SHTN1: variants seen among roughly 807,000 people sequenced by gnomAD.
The protein encoded by SHTN1 is shootin-1.
A neutral mutation model predicts 83.1 loss-of-function variants in SHTN1; 42 were observed. The observed-to-expected ratio is 0.51, with a 90% CI of 0.39 to 0.65. The LOEUF is 0.65. SHTN1 is among the 30% of genes least tolerant of loss of function. The pLI, the probability that SHTN1 is intolerant of heterozygous loss-of-function variation, is 0.00. For missense variants in SHTN1, 622 were observed against 737.8 expected (o/e 0.84, Z 1.82); for synonymous variants, 224 against 247.7 (o/e 0.90, Z 0.90).
intron 16 of SHTN1, among the ~76,000 whole-genome samples, chr10:116,892,390 A>G (rs1193386790): frequency 6.6e-6 from 1 of 152,212 alleles, no homozygotes; most frequent in Non-Finnish European, 1.5e-5. Flanking sequence ...GTGGGTGATC[A>G]TTTTCTTAAG....
intron 9 of SHTN1, among the ~76,000 whole-genome samples, chr10:116,930,522 C>T (rs1333133178): frequency 6.6e-6 from 1 of 152,104 alleles, no homozygotes; most frequent in Non-Finnish European, 1.5e-5. Flanking sequence ...AGGATTATGG[C>T]CTCCAGTTCC....
intron 2 of SHTN1, chr10:116,974,084 C>T: frequency 1.9e-6 from 2 of 1,072,438 alleles, no homozygotes; most frequent in Non-Finnish European, 2.3e-6. Context: ...AAAGTTCTTT[C>T]CCTCCAATTT....
chr10:117,007,628 T>C (rs1399734019), upstream of SHTN1, among the ~76,000 whole-genome samples: 1 of 150,704 alleles, frequency 6.6e-6, no homozygotes, highest in Non-Finnish European at 1.5e-5. Flanking sequence ...GTATGAATTA[T>C]TAGGAGGGCT....
upstream of SHTN1, among the ~76,000 whole-genome samples, chr10:117,006,922 T>C (rs1852025284): frequency 6.6e-6 from 1 of 151,778 alleles, no homozygotes; most frequent in Non-Finnish European, 1.5e-5. Context: ...AAAAAAAAAA[T>C]GGTAGCACTG....
intron 12 of SHTN1, among the ~76,000 whole-genome samples, chr10:116,920,906 C>T: frequency 6.6e-6 from 1 of 152,184 alleles, no homozygotes; most frequent in East Asian, 1.9e-4. Flanking sequence ...AACTACTCAG[C>T]TTGAACATCA....
chr10:116,887,927 T>G (rs1847215992), intron 16 of SHTN1, among the ~76,000 whole-genome samples: 1 of 152,208 alleles, frequency 6.6e-6, no homozygotes, highest in Non-Finnish European at 1.5e-5. Flanking sequence ...TGAGCAAAAG[T>G]AACCTGCATG....
intron 1 of SHTN1, among the ~76,000 whole-genome samples, chr10:117,000,071 AT>A (rs1472328723): frequency 6.6e-6 from 1 of 152,202 alleles, no homozygotes; most frequent in Non-Finnish European, 1.5e-5. Flanking sequence ...AGGAAAATGC[AT>A]TGTTGATAAG....
intron 1 of SHTN1, among the ~76,000 whole-genome samples, chr10:117,085,754 T>C (rs1177118159): frequency 6.6e-6 from 1 of 152,232 alleles, no homozygotes; most frequent in Admixed American, 6.5e-5. Context: ...TGTCTATTTC[T>C]CTTTGCAGTT....
intron 1 of SHTN1, among the ~76,000 whole-genome samples, chr10:117,051,011 C>T (rs777254308): frequency 2.0e-5 from 3 of 152,108 alleles, no homozygotes; most frequent in Non-Finnish European, 4.4e-5. Context: ...GATGTCTGAT[C>T]GCACTCCTGC....
chr10:117,071,595 G>A (rs1431739932), intron 1 of SHTN1, among the ~76,000 whole-genome samples: 1 of 152,176 alleles, frequency 6.6e-6, no homozygotes, highest in African/African-American at 2.4e-5. Flanking sequence ...ATAAACTTGT[G>A]AGGTGTTTTA....
chr10:117,108,756 T>C (rs1044918543), intron 1 of SHTN1, among the ~76,000 whole-genome samples: 20 of 152,098 alleles, frequency 1.3e-4, no homozygotes, highest in African/African-American at 4.6e-4. Flanking sequence ...TTACCATGGA[T>C]ACATACAACT....
chr10:116,996,446 A>T (rs957865996), intron 1 of SHTN1, among the ~76,000 whole-genome samples: 6 of 152,190 alleles, frequency 3.9e-5, no homozygotes, highest in Admixed American at 6.5e-5. Flanking sequence ...AGAAATCACC[A>T]CAACAGCTTT....
At chr10:117,057,296 T>TC (rs1345536335) in intron 1 of SHTN1, among the ~76,000 whole-genome samples, 1 of 152,116 alleles carries the variant, frequency 6.6e-6, no homozygotes, top group South Asian at 2.1e-4. Flanking sequence ...CAGCTATCCA[T>TC]CCCCCACCCC....
At chr10:117,085,829 AT>A (rs201396794) in intron 1 of SHTN1, among the ~76,000 whole-genome samples, 7 of 143,726 alleles carry the variant, frequency 4.9e-5, no homozygotes, top group Admixed American at 2.1e-4. Flanking sequence ...TAAAATTGTT[AT>A]TTTTTTTGCA....
rs1300901927 is a variant in SHTN1, at chr10:116,926,223, G to A, written c.1112+1569C>T. Among the ~76,000 whole-genome samples the A allele has an allele frequency of 2.0e-5, 3 of 152,174 alleles. No individual in the cohort carries two copies. The East Asian group carries it at 5.8e-4, about 29-fold the overall frequency. On this transcript the variant is annotated intron_variant, in intron 11 of 16. Transcript: ENST00000355371. Reference sequence around the variant, plus strand: ...TTATACTTTACTTTTAATTCTAGGGGCTCTCAACATTTCTGAGAATAAAAA... The same window carrying A: ...TTATACTTTACTTTTAATTCTAGGGACTCTCAACATTTCTGAGAATAAAAA...
chr10:116,946,598 TAAAATGATTTATATATAAATATATAA>T, intron 7 of SHTN1, among the ~76,000 whole-genome samples: 1 of 117,262 alleles, frequency 8.5e-6, no homozygotes, highest in African/African-American at 3.4e-5. Context: ...TATAAATATA[TAAAATGATTTATATATAAATATATAA>T]AATGATTTAT....
intron 2 of SHTN1, among the ~76,000 whole-genome samples, chr10:117,025,778 C>A (rs372372041): frequency 1.3e-5 from 2 of 152,078 alleles, no homozygotes; most frequent in South Asian, 4.2e-4. Context: ...TTTCCAGGCC[C>A]TAGCTCCCAG....
At chr10:116,913,556 T>C (rs911340759) in intron 13 of SHTN1, among the ~76,000 whole-genome samples, 21 of 152,220 alleles carry the variant, frequency 1.4e-4, no homozygotes, top group African/African-American at 4.1e-4. Context: ...GTATGGAACA[T>C]TGATTGCTTA....
intron 13 of SHTN1, among the ~76,000 whole-genome samples, 186 bp from the exon 14 acceptor site, chr10:116,912,029 C>T (rs1419497389): frequency 2.0e-5 from 3 of 152,146 alleles, no homozygotes; most frequent in Non-Finnish European, 4.4e-5. Context: ...TTTCAAGTAG[C>T]AGTTAAACAA....
Sources: allele counts gnomAD v4.1 joint callset (sites outside exome capture counted in the v4.1 genomes callset), GRCh38; gene constraint gnomAD v4.1.1; transcripts MANE v1.5; gene names NCBI Gene and HGNC (gene_info 2026-07-23, HGNC 2026-07-21).